The following FH variants were observed in gnomAD, a reference collection of about 807,000 sequenced individuals.
FH encodes the protein fumarate hydratase, also known as fumarate hydratase, mitochondrial.
In FH, 22 loss-of-function variants were observed where a neutral mutation model predicts 49.4. That is an observed-to-expected ratio of 0.45 (90% CI 0.32 to 0.64). The LOEUF is 0.64. Among genes scored for constraint, FH ranks in the 30% least tolerant of loss-of-function variants. FH has a pLI of 0.05. For synonymous variants in FH, 208 were observed against 223.0 expected (o/e 0.93, Z 0.60); for missense variants, 526 against 641.5 (o/e 0.82, Z 1.95).
At chr1:241,498,718 T>TATATATATATATATATATATGTTAC in intron 9 of FH, among the ~76,000 whole-genome samples, 1 of 99,266 alleles carries the variant, frequency 1.0e-5, no homozygotes, top group East Asian at 3.0e-4. Context: ...TATATATATA[T>TATATATATATATATATATATGTTAC]ATATATATAT....
chr1:241,499,551 C>T (rs1452325114), intron 9 of FH, among the ~76,000 whole-genome samples: 1 of 152,118 alleles, frequency 6.6e-6, no homozygotes, highest in Non-Finnish European at 1.5e-5. Flanking sequence ...CAAATGAGCT[C>T]TAATTTTAAA....
rs199887605 is a variant in FH at position 241,497,933 on chromosome 1, G to A, written c.1428C>T (p.His476=). 30 of 1,613,076 alleles carry A rather than the reference G, an allele frequency of 1.9e-5. No individual in the cohort carries two copies. The Admixed American group carries it at 3.2e-4, about 17-fold the overall frequency. Residue 476 remains histidine (H), a synonymous_variant, in exon 10 of 10, where the codon CAC becomes CAT. Coordinates refer to ENST00000366560, the MANE Select transcript of FH (RefSeq NM_000143.4). ...TTTCCTTTAAGGTTGATCCATTTTT[G>A]TGTGCTGTCTTAGCAATCTTTGCTG... ...DKAAKIAKTA[H]KNGSTLKETA...
At chr1:241,500,411 G>A (rs1388160784) in intron 9 of FH, 26 bp downstream of exon 9, 2 of 1,608,456 alleles carry the variant, frequency 1.2e-6, no homozygotes, top group African/African-American at 1.3e-5. Context: ...CATTCAAAAT[G>A]ATATTATTAT....
chr1:241,498,973 G>T (rs1659698715), intron 9 of FH, among the ~76,000 whole-genome samples: 1 of 151,758 alleles, frequency 6.6e-6, no homozygotes, highest in Non-Finnish European at 1.5e-5. Context: ...GGCATTTATT[G>T]ATCTGAAAGG....
Position 241,511,183 on chromosome 1 carries a change from G to A in FH, c.555+784C>T, listed in dbSNP as rs76846917. Among the ~76,000 whole-genome samples the A allele has an allele frequency of 1.9e-4, 29 of 152,246 alleles. No individual in the cohort carries two copies. The East Asian group carries it at 3.7e-3, about 19-fold the overall frequency. On this transcript the variant is annotated intron_variant, in intron 4 of 9. Coordinates refer to ENST00000366560, the MANE Select transcript of FH (RefSeq NM_000143.4). ...TTCATAGGGCAAAGCTCTCATGAAC[G>A]GAATTAGTGTCCTTACGAAGAGACC...
At chr1:241,505,895 C>A (rs2147917416) in intron 6 of FH, 108 bp downstream of exon 6, 1 of 1,038,850 alleles carries the variant, frequency 9.6e-7, no homozygotes, top group Non-Finnish European at 1.5e-6. Flanking sequence ...GGAAAAATAT[C>A]ATTTCTAACT....
intron 4 of FH, 134 bp downstream of exon 4, chr1:241,511,833 A>T: frequency 1.2e-6 from 1 of 844,324 alleles, no homozygotes; most frequent in Non-Finnish European, 1.9e-6. Context: ...CCTTCAAGAA[A>T]TAAGAACCAT....
intron 4 of FH, 149 bp from the exon 5 acceptor site, chr1:241,508,934 A>G (rs1660004427): frequency 3.1e-6 from 2 of 643,898 alleles, no homozygotes; most frequent in Admixed American, 2.8e-5. Flanking sequence ...GTCATAGGTG[A>G]GTTATTATAG....
chr1:241,517,954 G>A (rs1333994135), intron 1 of FH, among the ~76,000 whole-genome samples: 1 of 152,040 alleles, frequency 6.6e-6, no homozygotes, highest in African/African-American at 2.4e-5. Context: ...TTATTTAACT[G>A]CTTTGCTTAT....
intron 4 of FH, 147 bp downstream of exon 4, chr1:241,511,820 A>G (rs1369134337): frequency 6.6e-6 from 5 of 756,462 alleles, no homozygotes; most frequent in Non-Finnish European, 1.1e-5. Context: ...TAAAACCAAG[A>G]TTCCTTCAAG....
At position 241,505,854 on chromosome 1, in the gene FH, T is replaced by C. The variant is rs1659915518; in HGVS notation, c.904+149A>G. 3.8e-6 allele frequency: 3 copies of C among 783,026 alleles called. No individual in the cohort carries two copies. In the East Asian group the frequency reaches 8.2e-5, roughly 21 times the overall value. The allele number at this position is 783,026 out of a possible 1,614,324, so 48.5% of individuals were successfully genotyped here. ...AAAGGCAAATAATTAACATTATAAC[T>C]TCAGAAATATACTTAAAACACATGT... On this transcript the variant is annotated intron_variant, in intron 6 of 9. Coordinates refer to ENST00000366560, the MANE Select transcript of FH (RefSeq NM_000143.4).
intron 5 of FH, among the ~76,000 whole-genome samples, chr1:241,507,447 CTAGA>C (rs1158676687): frequency 2.0e-5 from 3 of 152,062 alleles, no homozygotes; most frequent in Admixed American, 2.0e-4. Flanking sequence ...CACAAACACA[CTAGA>C]TAGATTCACT....
intron 9 of FH, among the ~76,000 whole-genome samples, chr1:241,499,147 A>G (rs1659703977): frequency 6.6e-6 from 1 of 152,178 alleles, no homozygotes; most frequent in Non-Finnish European, 1.5e-5. Flanking sequence ...CCAACAAGAC[A>G]CTATTGGCAA....
At chr1:241,511,778 T>C (rs1012701955) in intron 4 of FH, 189 bp downstream of exon 4, 2 of 580,326 alleles carry the variant, frequency 3.4e-6, no homozygotes, top group Non-Finnish European at 6.1e-6. Context: ...AATTCAGGTG[T>C]CCTAAAAATA....
At position 241,508,727 on chromosome 1, in the gene FH, T is replaced by G. The variant is rs1187596432; in HGVS notation, c.614A>C (p.Glu205Ala). ...MHIAAAIEVHEVLLPGLQKLH... is the reference protein window; with the variant it reads ...MHIAAAIEVHAVLLPGLQKLH... Reference sequence around the variant, plus strand: ...CTTCTGTAGTCCTGGTAACAGTACTTCATGAACTTCTATTGCAGCAGCAAT... The same window carrying G: ...CTTCTGTAGTCCTGGTAACAGTACTGCATGAACTTCTATTGCAGCAGCAAT... The change falls in exon 5 of 10, where the codon GAA becomes GCA. Residue 205 changes from glutamate to alanine, a missense_variant. Glu to Ala is a moderately radical substitution (Grantham distance 107, BLOSUM62 -1). Transcript: ENST00000366560. The G allele has an allele frequency of 1.2e-6, 2 of 1,613,490 alleles. No individual in the cohort carries two copies. The highest frequency in any genetic ancestry group is 2.2e-5 in the East Asian group (1 of 44,856).
In FH at chr1:241,513,675, C is replaced by T. The variant is rs142283468; in HGVS notation, c.306G>A (p.Ala102=). 5.6e-5 allele frequency: 91 copies of T among 1,613,888 alleles called. No individual in the cohort carries two copies. The African/African-American group carries it at 9.6e-4, about 17-fold the overall frequency. The part of the protein sequence containing the change: ...VIKAFGILKR[A]AAEVNQDYGL... ...CATAATCCTGGTTTACTTCAGCGGC[C>T]GCTCGCTTCAAGATGCCAAAAGCTT... Residue 102 remains alanine, a synonymous_variant, in exon 3 of 10, where the codon GCG becomes GCA. Transcript: ENST00000366560.
intron 5 of FH, among the ~76,000 whole-genome samples, chr1:241,508,151 T>G (rs765496575): frequency 1.3e-5 from 2 of 152,128 alleles, no homozygotes; most frequent in African/African-American, 2.4e-5. Flanking sequence ...ATGATACTGA[T>G]GGAGATGACA....
At chr1:241,502,655 G>A (rs1410100810) in intron 7 of FH, 85 bp from the exon 8 acceptor site, 11 of 1,474,486 alleles carry the variant, frequency 7.5e-6, no homozygotes, top group Non-Finnish European at 9.5e-6. Context: ...TCACTAAATA[G>A]AGTAAGATAT....
chr1:241,506,177 A>G lies in FH; in HGVS notation c.739-9T>C, dbSNP rs779074287. On this transcript the variant is annotated splice_polypyrimidine_tract_variant and intron_variant, in intron 5 of 9. Transcript: ENST00000366560. ...ACATAACCACTAAATTCCTGAAAAG[A>G]AAAGAAAATTAAGGTAAGAATAAGT... 6.2e-7 allele frequency: 1 copy of G among 1,603,908 alleles called. No homozygotes were observed. Among genetic ancestry groups the G allele is most frequent in the Admixed American group, 1.7e-5 (1 of 59,678 alleles).
Sources: allele counts gnomAD v4.1 joint callset (sites outside exome capture counted in the v4.1 genomes callset), GRCh38; gene constraint gnomAD v4.1.1; transcripts MANE v1.5; gene names NCBI Gene and HGNC (gene_info 2026-07-23, HGNC 2026-07-21).